LYZL6: variants seen among roughly 807,000 people sequenced by gnomAD.
LYZL6 encodes the protein lysozyme like 6, also known as lysozyme-like protein 6.
In LYZL6, 21 loss-of-function variants were observed where a neutral mutation model predicts 15.0. That is an observed-to-expected ratio of 1.40 (90% CI 1.00 to 2.02). The LOEUF is 2.02. Among genes scored for constraint, LYZL6 ranks in the 30% most tolerant of loss-of-function variants. The probability of loss-of-function intolerance (pLI) is 0.00; values close to 1 mark genes in which losing one functional copy is unlikely to be tolerated. For synonymous variants in LYZL6, 72 were observed against 67.8 expected (o/e 1.06, Z -0.31); for missense variants, 173 against 180.5 (o/e 0.96, Z 0.24).
chr17:35,939,078 C>T (rs1432641083), intron 2 of LYZL6, 140 bp downstream of exon 2: 5 of 920,196 alleles, frequency 5.4e-6, no homozygotes, highest in African/African-American at 1.7e-5. Context: ...TGAGTGAATA[C>T]AGCGTGTTGG....
rs576544398 is a variant in LYZL6 at position 35,938,002 on chromosome 17, C to G, written c.140-86G>C. The G allele has an allele frequency of 9.0e-5, 124 of 1,376,076 alleles. No individual in the cohort carries two copies. In the East Asian group the frequency reaches 2.8e-3, roughly 32 times the overall value. 85.2% of individuals were successfully genotyped at this position (1,376,076 alleles called of 1,614,324 possible). ...TGGAGGAGAAAGGGAGGCAAGGTTTCAGACAAAAGGAACAAGGCCTGGGAG... is the reference window on the plus strand; with the variant it reads ...TGGAGGAGAAAGGGAGGCAAGGTTTGAGACAAAAGGAACAAGGCCTGGGAG... On this transcript the variant is annotated intron_variant, in intron 2 of 4. Transcript: ENST00000615905.
chr17:35,942,969 G>T (rs2089435203), intron 1 of LYZL6, among the ~76,000 whole-genome samples: 1 of 152,150 alleles, frequency 6.6e-6, no homozygotes, highest in Non-Finnish European at 1.5e-5. Flanking sequence ...TAAAAACTCT[G>T]CTCTATACAG....
In LYZL6 at chr17:35,936,791, T is replaced by G; in HGVS notation, c.341A>C (p.Lys114Thr). ...PNLLAGIHCA[K>T]RIVSGARGMN... ...CCCCCGTGCTCCGGACACAATCCTT[T>G]TTGCGCAGTGGATGCCTGCAAGAAG... The change falls in exon 4 of 5, where the codon AAA becomes ACA. Residue 114 changes from lysine to threonine, a missense_variant. Lys to Thr is a moderately conservative substitution (Grantham distance 78). Transcript: ENST00000615905. 6.2e-7 allele frequency: 1 copy of G among 1,613,876 alleles called. No homozygotes were observed. Among genetic ancestry groups the G allele is most frequent in the Non-Finnish European group, 8.5e-7 (1 of 1,180,020 alleles).
intron 2 of LYZL6, among the ~76,000 whole-genome samples, chr17:35,938,334 T>C (rs1175758803): frequency 2.0e-5 from 3 of 152,108 alleles, no homozygotes. Flanking sequence ...CTTAAAAATA[T>C]GTATGCCGGG....
At chr17:35,937,548 C>T (rs1231519741) in intron 3 of LYZL6, among the ~76,000 whole-genome samples, 3 of 152,206 alleles carry the variant, frequency 2.0e-5, no homozygotes, top group Admixed American at 6.5e-5. Context: ...TATACGGAGC[C>T]TTCCTGGATC....
intron 1 of LYZL6, among the ~76,000 whole-genome samples, chr17:35,943,188 G>GTCT (rs1421034972): frequency 2.6e-5 from 4 of 152,150 alleles, no homozygotes; most frequent in African/African-American, 7.2e-5. Flanking sequence ...GTGCGTGTGT[G>GTCT]TCTGCGACCT....
chr17:35,934,906 A>T, intron 4 of LYZL6, 41 bp from the exon 5 acceptor site: 1 of 1,596,724 alleles, frequency 6.3e-7, no homozygotes, highest in Non-Finnish European at 8.6e-7. Flanking sequence ...CACACTCAGT[A>T]ACTCTTCCAC....
intron 2 of LYZL6, among the ~76,000 whole-genome samples, chr17:35,938,666 G>A (rs1317771771): frequency 6.7e-6 from 1 of 149,396 alleles, no homozygotes; most frequent in African/African-American, 2.4e-5. Flanking sequence ...AAGATTAAAG[G>A]ACAAAAGTGT....
chr17:35,934,845 C>T lies in LYZL6; in HGVS notation c.398G>A (p.Cys133Tyr). The change falls in exon 5 of 5, where the codon TGT (cysteine) becomes TAT (tyrosine). Residue 133 changes from cysteine (C) to tyrosine (Y), a missense_variant. Transcript: ENST00000615905. ...MNNWVEWRLH[C>Y]SGRPLFYWLT... is the part of the protein sequence containing the mutation. ...CCAGTAGAAGAGTGGCCGGCCTGAA[C>T]AGTGCAACCTCCATTCTACCCTGCG... is the stretch of plus-strand genomic sequence containing the variant. 1 of 1,614,206 alleles carries T rather than the reference C, an allele frequency of 6.2e-7. No homozygotes were observed. Among genetic ancestry groups the T allele is most frequent in the Non-Finnish European group, 8.5e-7 (1 of 1,180,030 alleles).
intron 4 of LYZL6, among the ~76,000 whole-genome samples, chr17:35,936,014 C>T (rs1237528867): frequency 2.0e-5 from 3 of 151,960 alleles, no homozygotes; most frequent in Non-Finnish European, 4.4e-5. Flanking sequence ...GGGGCTTCAC[C>T]ATGTTGACCA....
Position 35,937,848 on chromosome 17 carries a change from A to G in LYZL6, c.208T>C (p.Phe70Leu). The change falls in exon 3 of 5, where the codon TTT (phenylalanine) becomes CTT (leucine). Residue 70 changes from phenylalanine to leucine, a missense_variant. By Grantham distance (22) the Phe-to-Leu change is conservative. Transcript: ENST00000615905. ...SKINENADGS[F>L]DYGLFQINSH... ...TTGATCTGGAAGAGGCCATAGTCAAAGCTTCCGTCTGCATTTTCATTTATC... is the reference window on the plus strand; with the variant it reads ...TTGATCTGGAAGAGGCCATAGTCAAGGCTTCCGTCTGCATTTTCATTTATC... 6.2e-7 allele frequency: 1 copy of G among 1,614,140 alleles called. No homozygotes were observed. Among genetic ancestry groups the G allele is most frequent in the African/African-American group, 1.3e-5 (1 of 75,060 alleles).
intron 4 of LYZL6, among the ~76,000 whole-genome samples, chr17:35,936,450 C>T (rs1204835196): frequency 6.6e-6 from 1 of 152,172 alleles, no homozygotes; most frequent in Non-Finnish European, 1.5e-5. Flanking sequence ...AATTTCCAGC[C>T]CTGGTTCCAT....
chr17:35,942,712 G>C (rs999288216), intron 1 of LYZL6, among the ~76,000 whole-genome samples: 1 of 152,144 alleles, frequency 6.6e-6, no homozygotes, highest in Admixed American at 6.5e-5. Context: ...AAGGATGGGG[G>C]AAGTCTCCTG....
chr17:35,939,176 T>A (rs547308580), intron 2 of LYZL6, 42 bp downstream of exon 2: 1 of 1,599,428 alleles, frequency 6.3e-7, no homozygotes, highest in South Asian at 1.1e-5. Context: ...AGGACATGAC[T>A]AGCAGAGGAG....
intron 2 of LYZL6, among the ~76,000 whole-genome samples, chr17:35,938,544 G>A (rs1167740164): frequency 6.6e-6 from 1 of 151,548 alleles, no homozygotes; most frequent in Admixed American, 6.6e-5. Context: ...TGTGAACCCA[G>A]GAGGCAGAGC....
rs2141970884 is a variant in LYZL6 at position 35,943,610 on chromosome 17, A to G, written c.-246T>C. 1 of 152,270 alleles carries G rather than the reference A, an allele frequency of 6.6e-6. No homozygotes were observed. The highest frequency in any genetic ancestry group is 2.1e-4 in the South Asian group (1 of 4,816). 9.4% of individuals were successfully genotyped at this position (152,270 alleles called of 1,614,324 possible). On this transcript the variant is annotated 5_prime_UTR_variant, in exon 1 of 5. Coordinates refer to ENST00000615905, the MANE Select transcript of LYZL6 (RefSeq NM_020426.4). ...TGACCCTGGGTTCCACCTGGCCCAG[A>G]GATTTCTGGGAGGATCTGTAGAACA...
chr17:35,938,057 C>T (rs1306742985), intron 2 of LYZL6, 141 bp from the exon 3 acceptor site: 9 of 726,390 alleles, frequency 1.2e-5, no homozygotes, highest in Non-Finnish European at 2.0e-5. Context: ...CTTGAAATCT[C>T]CATTGACTTG....
chr17:35,936,716 T>A (rs1325457133), intron 4 of LYZL6, 39 bp downstream of exon 4: 2 of 1,582,346 alleles, frequency 1.3e-6, no homozygotes, highest in African/African-American at 1.3e-5. Flanking sequence ...TCCTCCTTCG[T>A]GGGGCTCTGC....
chr17:35,939,501 A>G lies in LYZL6; in HGVS notation c.-145T>C. On this transcript the variant is annotated 5_prime_UTR_variant, in exon 2 of 5. Transcript: ENST00000615905. Reference sequence around the variant, plus strand: ...TCACTGCTCCAACCTGGCTGTTTCCAATCTCTTTTCTCTTGTTTATTATTT... The same window carrying G: ...TCACTGCTCCAACCTGGCTGTTTCCGATCTCTTTTCTCTTGTTTATTATTT... 2 of 623,048 alleles carry G rather than the reference A, an allele frequency of 3.2e-6. No homozygotes were observed. The allele number at this position is 623,048 out of a possible 1,614,324, so 38.6% of individuals were successfully genotyped here. A position where few individuals can be genotyped will look rare whatever the true frequency, so the allele number is the denominator to read the frequency against.
Sources: allele counts gnomAD v4.1 joint callset (sites outside exome capture counted in the v4.1 genomes callset), GRCh38; gene constraint gnomAD v4.1.1; transcripts MANE v1.5; gene names NCBI Gene and HGNC (gene_info 2026-07-23, HGNC 2026-07-21).